Variants in THSD7B observed in about 807,000 individuals in gnomAD.
THSD7B encodes thrombospondin type 1 domain containing 7B.
A neutral mutation model predicts 213.6 loss-of-function variants in THSD7B; 138 were observed. The ratio of observed to expected loss-of-function variants is 0.65; its 90% confidence interval spans 0.56 to 0.74. THSD7B has a LOEUF of 0.74. THSD7B is among the 30% of genes least tolerant of loss of function. THSD7B has a pLI of 0.00. For missense variants in THSD7B, 1,931 were observed against 1,991.5 expected (o/e 0.97, Z 0.58); for synonymous variants, 742 against 687.0 (o/e 1.08, Z -1.25).
chr2:137,282,342 C>T lies in THSD7B; in HGVS notation c.2500+6316C>T, dbSNP rs1025470513. Among the ~76,000 whole-genome samples the T allele has an allele frequency of 6.6e-5, 10 of 152,202 alleles. No individual in the cohort carries two copies. The East Asian group carries it at 1.2e-3, about 18-fold the overall frequency. On this transcript the variant is annotated intron_variant, in intron 12 of 27. Transcript: ENST00000409968. ...TGAGTAGGTTGCAAAAGTTTTCTCC[C>T]GTTCTGTAGGTTGCCTGTTCACTCT...
intron 15 of THSD7B, among the ~76,000 whole-genome samples, chr2:137,504,651 G>A (rs1679792497): frequency 6.6e-6 from 1 of 152,160 alleles, no homozygotes; most frequent in African/African-American, 2.4e-5. Context: ...CTTTTCTGTG[G>A]AGTCATCTTG....
chr2:136,856,128 A>G (rs568380191), intron 1 of THSD7B, among the ~76,000 whole-genome samples: 2 of 152,156 alleles, frequency 1.3e-5, no homozygotes, highest in East Asian at 3.9e-4. Flanking sequence ...AATTTCCTGT[A>G]TGTCAGTGAA....
intron 17 of THSD7B, among the ~76,000 whole-genome samples, chr2:137,601,558 T>C (rs968648052): frequency 5.3e-5 from 8 of 152,218 alleles, no homozygotes; most frequent in Admixed American, 4.6e-4. Context: ...TAAGTACATT[T>C]TATGATATTC....
intron 9 of THSD7B, among the ~76,000 whole-genome samples, chr2:137,236,829 A>G (rs924970533): frequency 6.6e-6 from 1 of 151,950 alleles, no homozygotes; most frequent in Non-Finnish European, 1.5e-5. Flanking sequence ...AGCTGAAGCT[A>G]GCTGGGCGCG....
intron 13 of THSD7B, among the ~76,000 whole-genome samples, chr2:137,407,396 G>T (rs917212659): frequency 6.6e-6 from 1 of 151,436 alleles, no homozygotes; most frequent in Non-Finnish European, 1.5e-5. Flanking sequence ...TGTCTACGTG[G>T]CACCAAAACA....
rs1350000655 is a variant in THSD7B, at chr2:137,411,833, A to C, written c.2920A>C (p.Asn974His). Residue 974 changes from asparagine to histidine, a missense_variant, in exon 14 of 28, where the codon AAT (asparagine) becomes CAT (histidine). Asn to His is a moderately conservative substitution (Grantham distance 68, BLOSUM62 1). Coordinates refer to ENST00000409968, the MANE Select transcript of THSD7B (RefSeq NM_001316349.2). ...TCGAGCAGTAGCCTGTTCTGATAAA[A>C]ATGGAAGACCTGTTGACCCCTCCTT... ...RFRAVACSDK[N>H]GRPVDPSFCS... 2 of 1,614,008 alleles carry C rather than the reference A, an allele frequency of 1.2e-6. No homozygotes were observed. Among genetic ancestry groups the C allele is most frequent in the Non-Finnish European group, 1.7e-6 (2 of 1,179,892 alleles).
intron 17 of THSD7B, among the ~76,000 whole-genome samples, chr2:137,597,276 C>A (rs1681980076): frequency 6.6e-6 from 1 of 151,936 alleles, no homozygotes; most frequent in African/African-American, 2.4e-5. Context: ...GCTTATGATT[C>A]TCTGACTCTC....
chr2:136,854,332 G>A (rs1179648681), intron 1 of THSD7B, among the ~76,000 whole-genome samples: 1 of 152,048 alleles, frequency 6.6e-6, no homozygotes, highest in Admixed American at 6.6e-5. Context: ...AAAATTTTGG[G>A]ATTCATTTTC....
intron 15 of THSD7B, among the ~76,000 whole-genome samples, chr2:137,510,053 G>A (rs1558821923): frequency 6.6e-6 from 1 of 151,788 alleles, no homozygotes; most frequent in Non-Finnish European, 1.5e-5. Context: ...TAAATAATTG[G>A]AGATTATTTT....
At chr2:137,398,906 G>A (rs189565768) in intron 12 of THSD7B, among the ~76,000 whole-genome samples, 20 of 152,260 alleles carry the variant, frequency 1.3e-4, no homozygotes, top group African/African-American at 3.1e-4. Context: ...CGCAATATTC[G>A]GGTGGGAGTG....
intron 13 of THSD7B, among the ~76,000 whole-genome samples, chr2:137,410,955 T>G (rs1686639066): frequency 6.6e-6 from 1 of 152,218 alleles, no homozygotes; most frequent in African/African-American, 2.4e-5. Context: ...CACTGCATTG[T>G]CTTACTCAGA....
intron 2 of THSD7B, among the ~76,000 whole-genome samples, chr2:137,037,330 T>A (rs1686796366): frequency 6.6e-6 from 1 of 152,090 alleles, no homozygotes; most frequent in Non-Finnish European, 1.5e-5. Flanking sequence ...TAAATATAAA[T>A]GGACACTAGA....
At chr2:136,910,756 C>T (rs996384519) in intron 2 of THSD7B, among the ~76,000 whole-genome samples, 9 of 151,716 alleles carry the variant, frequency 5.9e-5, no homozygotes, top group Non-Finnish European at 1.2e-4. Context: ...GTAAATATTA[C>T]CCCAAATGAT....
At chr2:136,775,373 G>A (rs1260069891) in intron 1 of THSD7B, among the ~76,000 whole-genome samples, 15 of 152,048 alleles carry the variant, frequency 9.9e-5, no homozygotes, top group Admixed American at 9.8e-4. Flanking sequence ...TCCTGTGACT[G>A]GATCAGCTCT....
chr2:137,121,184 G>C (rs1688539857), intron 5 of THSD7B, among the ~76,000 whole-genome samples: 3 of 152,136 alleles, frequency 2.0e-5, no homozygotes, highest in Admixed American at 1.3e-4. Context: ...TAAATTATCA[G>C]ACTGTTCTTG....
At chr2:137,600,999 A>T (rs932520514) in intron 17 of THSD7B, among the ~76,000 whole-genome samples, 24 of 152,212 alleles carry the variant, frequency 1.6e-4, no homozygotes, top group Non-Finnish European at 8.8e-5. Flanking sequence ...GAAAAAAATT[A>T]AAAATAGAAA....
intron 7 of THSD7B, among the ~76,000 whole-genome samples, chr2:137,214,913 T>C (rs1172114878): frequency 1.3e-5 from 2 of 152,204 alleles, no homozygotes; most frequent in African/African-American, 4.8e-5. Context: ...TATGTCTTTA[T>C]AGCAGCATGA....
In THSD7B at chr2:137,458,724, G is replaced by T. The variant is rs1012742172; in HGVS notation, c.3138+7701G>T. Among the ~76,000 whole-genome samples, 42 of 152,080 alleles carry T rather than the reference G, an allele frequency of 2.8e-4. 1 individual carries two copies. The highest frequency in any genetic ancestry group is 8.5e-4 in the Admixed American group (13 of 15,262). On this transcript the variant is annotated intron_variant, in intron 15 of 27. Transcript: ENST00000409968. ...AATATAAAATTTTTCCTCAAAAATT[G>T]ATGTGCATGGTCTGTCCCTTTGGGC...
intron 2 of THSD7B, among the ~76,000 whole-genome samples, chr2:137,008,043 G>A (rs1450376648): frequency 6.6e-6 from 1 of 152,086 alleles, no homozygotes; most frequent in Non-Finnish European, 1.5e-5. Flanking sequence ...AAAGCTATAA[G>A]ACTTGACAGT....
Sources: gnomAD v4.1 joint callset for allele counts (sites outside exome capture counted in the v4.1 genomes callset) on GRCh38, gnomAD v4.1.1 for gene constraint, MANE v1.5 for transcripts, NCBI Gene and HGNC (gene_info 2026-07-23, HGNC 2026-07-21) for gene names.